REXO5: variants seen among roughly 807,000 people sequenced by gnomAD.
REXO5 encodes the protein exonuclease NEF-sp.
REXO5 carries 48 observed loss-of-function variants against 88.5 expected under a neutral mutation model. The ratio of observed to expected loss-of-function variants is 0.54; its 90% CI spans 0.43 to 0.69. The LOEUF (loss-of-function observed/expected upper bound fraction) is 0.69. Among genes scored for constraint, REXO5 ranks in the 30% least tolerant of loss-of-function variants. REXO5 has a pLI of 0.00. For synonymous variants in REXO5, 311 were observed against 336.5 expected, an observed-to-expected ratio of 0.92 and a Z score of 0.83; for missense variants, 749 against 912.2, an observed-to-expected ratio of 0.82 and a Z score of 2.30.
intron 8 of REXO5, 129 bp downstream of exon 8, chr16:20,826,077 C>A: frequency 4.8e-6 from 3 of 623,076 alleles, no homozygotes; most frequent in Non-Finnish European, 8.5e-6. Context: ...GTTAGGGCAT[C>A]ACATAGGTAT....
chr16:20,817,090 A>G (rs1259429290), intron 5 of REXO5, among the ~76,000 whole-genome samples: 1 of 152,228 alleles, frequency 6.6e-6, no homozygotes, highest in East Asian at 1.9e-4. Flanking sequence ...GGTATTGTTC[A>G]ATGATACTCT....
intron 6 of REXO5, 51 bp downstream of exon 6, chr16:20,821,953 G>T: frequency 6.9e-7 from 1 of 1,459,176 alleles, no homozygotes; most frequent in Non-Finnish European, 9.1e-7. Context: ...ATATCTAACA[G>T]CTTATTTAAA....
intron 13 of REXO5, among the ~76,000 whole-genome samples, chr16:20,834,081 C>G (rs1390480599): frequency 6.6e-6 from 1 of 151,964 alleles, no homozygotes; most frequent in Non-Finnish European, 1.5e-5. Flanking sequence ...TAATGCATGC[C>G]CCCCTCCCTT....
intron 2 of REXO5, among the ~76,000 whole-genome samples, chr16:20,812,100 CT>C (rs2081008223): frequency 6.6e-6 from 1 of 152,222 alleles, no homozygotes; most frequent in Non-Finnish European, 1.5e-5. Flanking sequence ...CTAAGTTGTA[CT>C]TTTATTTTAA....
chr16:20,846,074 G>A (rs1339108752), intron 18 of REXO5, 147 bp from the exon 19 acceptor site: 1 of 677,682 alleles, frequency 1.5e-6, no homozygotes. Context: ...AGAACCTGCA[G>A]TGTGGGCTCC....
chr16:20,845,139 C>T lies in REXO5; in HGVS notation c.2022C>T (p.Thr674=), dbSNP rs746552867. 3.1e-6 allele frequency: 5 copies of T among 1,613,970 alleles called. No homozygotes were observed. The highest frequency in any genetic ancestry group is 3.4e-6 in the Non-Finnish European group (4 of 1,180,032). Residue 674 remains threonine, a synonymous_variant, in exon 18 of 20, where the codon ACC becomes ACT. Coordinates refer to ENST00000261377, the MANE Select transcript of REXO5 (RefSeq NM_030941.3). The stretch of plus-strand genomic sequence containing the variant: ...AGCTGAAAGGCAGGCATGCCCTAAC[C>T]CCCAGGCACCTCCATGCCTGGCTCA... ...DWKLKGRHAL[T]PRHLHAWLRG...
chr16:20,818,232 G>A (rs2107233), intron 5 of REXO5, among the ~76,000 whole-genome samples: 141,169 of 152,200 alleles, frequency 0.93, 65,857 homozygotes, highest in East Asian at 1. Context: ...GATATATTAC[G>A]TATTTATTTG....
Position 20,846,258 on chromosome 16 carries a change from G to A in REXO5, c.2162G>A (p.Arg721His), listed in dbSNP as rs773504451. The change falls in exon 19 of 20, where the codon CGC (arginine) becomes CAC (histidine). Residue 721 changes from arginine (R) to histidine (H), a missense_variant. Arg to His is a conservative substitution (Grantham distance 29). Transcript: ENST00000261377. ...GACCACCCGAAGATAGCAGCCTGGC[G>A]CTGGAGCCGGAAGATTGGAAAGCTC... The part of the protein sequence containing the change: ...KLDHPKIAAW[R>H]WSRKIGKLYN... 1.6e-5 allele frequency: 26 copies of A among 1,613,930 alleles called. No homozygotes were observed. In the South Asian group the frequency reaches 1.6e-4, roughly 10 times the overall value.
chr16:20,808,076 C>T (rs13335478), intron 2 of REXO5, among the ~76,000 whole-genome samples: 2,827 of 152,172 alleles, frequency 0.019, 83 homozygotes, highest in African/African-American at 0.064. Flanking sequence ...ACTTTGCATA[C>T]GAGGGTCCTA....
At chr16:20,832,827 G>T (rs946493032) in intron 12 of REXO5, among the ~76,000 whole-genome samples, 176 bp from the exon 13 acceptor site, 3 of 152,130 alleles carry the variant, frequency 2.0e-5, no homozygotes, top group Non-Finnish European at 2.9e-5. Flanking sequence ...TTTGGTAGCT[G>T]CTAGTCACAT....
chr16:20,847,113 G>A (rs1196754686), intron 19 of REXO5, among the ~76,000 whole-genome samples: 1 of 152,062 alleles, frequency 6.6e-6, no homozygotes, highest in Non-Finnish European at 1.5e-5. Context: ...AAAGTCCCTT[G>A]AGATTCTGAC....
chr16:20,828,546 C>A lies in REXO5; in HGVS notation c.1158+9C>A. ...AGCATGGCCCAAAAAAGGTTAGTAT[C>A]TTTGCCCAGTGTGTTCACCTTTTCT... On this transcript the variant is annotated intron_variant, in intron 11 of 19. Transcript: ENST00000261377. 1.3e-6 allele frequency: 2 copies of A among 1,576,118 alleles called. No homozygotes were observed. The highest frequency in any genetic ancestry group is 1.7e-6 in the Non-Finnish European group (2 of 1,145,568).
At chr16:20,818,144 A>G (rs1317375238) in intron 5 of REXO5, among the ~76,000 whole-genome samples, 3 of 152,190 alleles carry the variant, frequency 2.0e-5, no homozygotes, top group Non-Finnish European at 4.4e-5. Context: ...TATACAAAAT[A>G]TATGACAGTA....
At chr16:20,806,494 C>G (rs1260683562), upstream of REXO5, 13 of 1,547,024 alleles carry the variant, frequency 8.4e-6, no homozygotes, top group Non-Finnish European at 1.1e-5. Context: ...ACTTCCGGTC[C>G]GTTCAAAAAG....
rs375396248 is a variant in REXO5, at chr16:20,817,185, C to T, written c.475+973C>T. On this transcript the variant is annotated intron_variant, in intron 5 of 19. Transcript: ENST00000261377. ...GAGGAGTAACTTGATTTCTTATCTC[C>T]TCTAGAAATGTGCTTGCATTATCCT... Among the ~76,000 whole-genome samples, 139 of 152,246 alleles carry T rather than the reference C, an allele frequency of 9.1e-4. 4 individuals are homozygous for T. In the South Asian group the frequency reaches 0.028, roughly 31 times the overall value.
chr16:20,835,638 A>AG (rs2081416638), intron 13 of REXO5, among the ~76,000 whole-genome samples: 1 of 5,024 alleles, frequency 2.0e-4, no homozygotes, highest in African/African-American at 1.4e-3. Context: ...TGTTCTTAGG[A>AG]ATTTTTTTTT....
At chr16:20,847,903 C>A (rs2081634751) in intron 19 of REXO5, among the ~76,000 whole-genome samples, 1 of 152,280 alleles carries the variant, frequency 6.6e-6, no homozygotes, top group Middle Eastern at 3.4e-3. Context: ...TAGCCCAAAT[C>A]ATTGTTCTTC....
chr16:20,844,085 A>G (rs1280035049), intron 16 of REXO5, 59 bp downstream of exon 16: 1 of 1,013,840 alleles, frequency 9.9e-7, no homozygotes. Flanking sequence ...GCCTGTATTT[A>G]TAGTGCCCCA....
chr16:20,814,916 T>C lies in REXO5; in HGVS notation c.252-11T>C. The C allele has an allele frequency of 6.2e-7, 1 of 1,610,504 alleles. No individual in the cohort carries two copies. The highest frequency in any genetic ancestry group is 1.1e-5 in the South Asian group (1 of 90,266). On this transcript the variant is annotated splice_polypyrimidine_tract_variant and intron_variant, in intron 3 of 19. Coordinates refer to ENST00000261377, the MANE Select transcript of REXO5 (RefSeq NM_030941.3). Reference sequence around the variant, plus strand: ...ATCTGTCTTAACTGTGTTGGTTTGATTTCTTGGCAGCTGGTGCCAGCTTTT... The same window carrying C: ...ATCTGTCTTAACTGTGTTGGTTTGACTTCTTGGCAGCTGGTGCCAGCTTTT...
Sources: allele counts gnomAD v4.1 joint callset (sites outside exome capture counted in the v4.1 genomes callset), GRCh38; gene constraint gnomAD v4.1.1; transcripts MANE v1.5; gene names NCBI Gene and HGNC (gene_info 2026-07-23, HGNC 2026-07-21).